Variants in ARHGEF33 observed in about 807,000 individuals in gnomAD.
The protein encoded by ARHGEF33 is DH and coiled-coil domain-containing protein ENSP00000381780.
In ARHGEF33, 72 loss-of-function variants were observed where a neutral mutation model predicts 101.9. The ratio of observed to expected loss-of-function variants is 0.71; its 90% CI spans 0.58 to 0.86. The LOEUF (loss-of-function observed/expected upper bound fraction) is 0.86. ARHGEF33 is among the 40% of genes least tolerant of loss of function. ARHGEF33 has a pLI of 0.00. For synonymous variants in ARHGEF33, 499 were observed against 442.5 expected, an observed-to-expected ratio of 1.13 and a Z score of -1.60; for missense variants, 1,169 against 1,111.3, an observed-to-expected ratio of 1.05 and a Z score of -0.74.
intron 13 of ARHGEF33, among the ~76,000 whole-genome samples, chr2:38,956,122 AC>A (rs1667746276): frequency 6.6e-6 from 1 of 152,060 alleles, no homozygotes; most frequent in African/African-American, 2.4e-5. Context: ...TTAACAATTT[AC>A]CCAAGTTAAC....
intron 13 of ARHGEF33, among the ~76,000 whole-genome samples, chr2:38,955,053 A>C (rs1667705268): frequency 6.6e-6 from 1 of 152,172 alleles, no homozygotes. Flanking sequence ...CTCCTGCTAG[A>C]TTCTAAGCAC....
At chr2:38,963,162 A>G (rs757414950) in intron 16 of ARHGEF33, among the ~76,000 whole-genome samples, 3 of 152,136 alleles carry the variant, frequency 2.0e-5, no homozygotes, top group Non-Finnish European at 2.9e-5. Context: ...AAGTATATAT[A>G]TGCATGTTTG....
At chr2:38,932,374 G>C (rs1318519767) in intron 7 of ARHGEF33, among the ~76,000 whole-genome samples, 1 of 152,142 alleles carries the variant, frequency 6.6e-6, no homozygotes, top group African/African-American at 2.4e-5. Context: ...TGATCCACCC[G>C]CCTTGACCTC....
At chr2:38,892,421 A>ATC (rs66962717) in intron 1 of ARHGEF33, among the ~76,000 whole-genome samples, 86,671 of 151,840 alleles carry the variant, frequency 0.57, 26,585 homozygotes, top group East Asian at 0.89. Flanking sequence ...GGGTAAACAG[A>ATC]TAACTGGGGA....
In ARHGEF33 at chr2:38,890,048, T is replaced by C. The variant is rs76829148; in HGVS notation, c.-159+62T>C. On this transcript the variant is annotated intron_variant, in intron 1 of 17. Coordinates refer to ENST00000409978, the MANE Select transcript of ARHGEF33 (RefSeq NM_001145451.5). The stretch of plus-strand genomic sequence containing the variant: ...AAAGGGGAAACAATTTTATAAGAGA[T>C]GAAAACCCATCAATCCTTACCACGT... 2.4e-3 allele frequency: 895 copies of C among 367,200 alleles called. 12 individuals are homozygous for C. The highest frequency in any genetic ancestry group is 0.018 in the African/African-American group (837 of 46,736). The allele number at this position is 367,200 out of a possible 1,614,324, so 22.7% of individuals were successfully genotyped here.
intron 6 of ARHGEF33, 63 bp from the exon 7 acceptor site, chr2:38,931,046 T>A: frequency 7.8e-7 from 1 of 1,276,888 alleles, no homozygotes; most frequent in Non-Finnish European, 1.1e-6. Flanking sequence ...CTGAACTGAA[T>A]CTCCTCATAA....
chr2:38,897,462 C>A (rs1168786565), intron 2 of ARHGEF33, among the ~76,000 whole-genome samples: 1 of 152,184 alleles, frequency 6.6e-6, no homozygotes, highest in Admixed American at 6.5e-5. Context: ...ACTCAAAGAA[C>A]TCTAGAACTC....
intron 2 of ARHGEF33, among the ~76,000 whole-genome samples, chr2:38,913,918 A>AG (rs1666571776): frequency 6.6e-6 from 1 of 152,168 alleles, no homozygotes; most frequent in Non-Finnish European, 1.5e-5. Flanking sequence ...TAAAAAAAAA[A>AG]GGCAGATAAC....
intron 4 of ARHGEF33, among the ~76,000 whole-genome samples, chr2:38,923,118 C>T (rs1172132656): frequency 6.6e-6 from 1 of 152,136 alleles, no homozygotes; most frequent in Admixed American, 6.6e-5. Flanking sequence ...AATATAGCTG[C>T]AGTGGGGGTG....
At chr2:38,904,784 T>C (rs1666351579) in intron 2 of ARHGEF33, among the ~76,000 whole-genome samples, 2 of 151,164 alleles carry the variant, frequency 1.3e-5, no homozygotes, top group East Asian at 1.9e-4. Flanking sequence ...CAAAAGATCA[T>C]GTAAGTGACA....
At chr2:38,965,645 G>A (rs186102107) in intron 16 of ARHGEF33, among the ~76,000 whole-genome samples, 125 of 152,340 alleles carry the variant, frequency 8.2e-4, no homozygotes, top group African/African-American at 3.0e-3. Flanking sequence ...TAGCACGACA[G>A]TGTTGGTGTC....
chr2:38,895,153 A>G (rs1015400884), intron 1 of ARHGEF33, among the ~76,000 whole-genome samples: 2 of 152,160 alleles, frequency 1.3e-5, no homozygotes, highest in Non-Finnish European at 2.9e-5. Flanking sequence ...TGAGGCAAGT[A>G]TTACTATTAC....
At chr2:38,898,074 A>G (rs1666160402) in intron 2 of ARHGEF33, among the ~76,000 whole-genome samples, 1 of 152,238 alleles carries the variant, frequency 6.6e-6, no homozygotes, top group Non-Finnish European at 1.5e-5. Flanking sequence ...TGGTAGGCAG[A>G]AAGTCTATAT....
At position 38,889,976 on chromosome 2, in the gene ARHGEF33, G is replaced by A. The variant is rs7565111; in HGVS notation, c.-169G>A. ...ATCTGAGGATGATATAACCACCGCA[G>A]GCAACATGGGGTAAGTATGCGCTTT... On this transcript the variant is annotated 5_prime_UTR_variant, in exon 1 of 18. Transcript: ENST00000409978. 0.6 allele frequency: 283,243 copies of A among 469,006 alleles called. 87,572 individuals are homozygous for A. The highest frequency in any genetic ancestry group is 0.87 in the East Asian group (12,474 of 14,356). 29.1% of individuals were successfully genotyped at this position (469,006 alleles called of 1,614,324 possible). A position where few individuals can be genotyped will look rare whatever the true frequency, so the allele number is the denominator to read the frequency against.
At chr2:38,966,205 G>A (rs1668049419) in intron 17 of ARHGEF33, 60 bp downstream of exon 17, 2 of 1,521,628 alleles carry the variant, frequency 1.3e-6, no homozygotes, top group South Asian at 1.3e-5. Context: ...TAAATCTTGA[G>A]GTTTTAACAA....
chr2:38,925,618 A>G (rs1666853466), intron 4 of ARHGEF33, among the ~76,000 whole-genome samples: 1 of 152,164 alleles, frequency 6.6e-6, no homozygotes, highest in African/African-American at 2.4e-5. Flanking sequence ...TTTGTATTTT[A>G]AATAATTGGA....
At chr2:38,940,317 G>A (rs1667270851) in intron 9 of ARHGEF33, among the ~76,000 whole-genome samples, 1 of 151,944 alleles carries the variant, frequency 6.6e-6, no homozygotes, top group Non-Finnish European at 1.5e-5. Context: ...TTTCAGAGGT[G>A]GGGGTTTCCC....
At position 38,937,458 on chromosome 2, in the gene ARHGEF33, G is replaced by A. The variant is rs745771806; in HGVS notation, c.689G>A (p.Gly230Asp). Residue 230 changes from glycine to aspartate, a missense_variant, in exon 9 of 18, where the codon GGT (glycine) becomes GAT (aspartate). Coordinates refer to ENST00000409978, the MANE Select transcript of ARHGEF33 (RefSeq NM_001145451.5). ...WRQPKDGKEW[G>D]EEYVTKDHPD... ...CAGCCTAAGGATGGTAAAGAATGGGGTGAAGAATACGTCACAAAAGACCAC... is the reference window on the plus strand; with the variant it reads ...CAGCCTAAGGATGGTAAAGAATGGGATGAAGAATACGTCACAAAAGACCAC... 5.2e-6 allele frequency: 8 copies of A among 1,550,334 alleles called. No homozygotes were observed. In the South Asian group the frequency reaches 9.5e-5, roughly 18 times the overall value.
chr2:38,930,004 G>A (rs1666959806), intron 6 of ARHGEF33, among the ~76,000 whole-genome samples, 174 bp downstream of exon 6: 1 of 152,042 alleles, frequency 6.6e-6, no homozygotes, highest in African/African-American at 2.4e-5. Flanking sequence ...AAAGATGGAT[G>A]GTACCTATTA....
Sources: allele counts gnomAD v4.1 joint callset (sites outside exome capture counted in the v4.1 genomes callset), GRCh38; gene constraint gnomAD v4.1.1; transcripts MANE v1.5; gene names NCBI Gene and HGNC (gene_info 2026-07-23, HGNC 2026-07-21).